The following CDC14B variants were observed in gnomAD, a reference collection of about 807,000 sequenced individuals.
The protein encoded by CDC14B is dual specificity protein phosphatase CDC14B.
A neutral mutation model predicts 64.2 loss-of-function variants in CDC14B; 22 were observed. That is an observed-to-expected ratio of 0.34 (90% CI 0.24 to 0.49). The LOEUF (loss-of-function observed/expected upper bound fraction) is 0.49. Among genes scored for constraint, CDC14B ranks in the 20% least tolerant of loss-of-function variants. The pLI, the probability that CDC14B is intolerant of heterozygous loss-of-function variation, is 0.99. For synonymous variants in CDC14B, 191 were observed against 215.8 expected (o/e 0.89, Z 1.01); for missense variants, 498 against 629.9 (o/e 0.79, Z 2.24).
intron 5 of CDC14B, among the ~76,000 whole-genome samples, chr9:96,545,975 T>G (rs1840761865): frequency 6.6e-6 from 1 of 152,224 alleles, no homozygotes; most frequent in South Asian, 2.1e-4. Context: ...TTTATAAGCC[T>G]TGGGCAGTGG....
chr9:96,579,146 A>T (rs549567657), intron 1 of CDC14B, among the ~76,000 whole-genome samples: 18 of 152,124 alleles, frequency 1.2e-4, no homozygotes, highest in Non-Finnish European at 2.6e-4. Context: ...GTGCCACAGT[A>T]ATGTAAGATG....
At chr9:96,568,522 T>A (rs1006049312) in intron 1 of CDC14B, among the ~76,000 whole-genome samples, 5 of 152,046 alleles carry the variant, frequency 3.3e-5, no homozygotes, top group African/African-American at 1.2e-4. Context: ...TGTCGGGAGG[T>A]TGAGAGCACT....
intron 1 of CDC14B, among the ~76,000 whole-genome samples, chr9:96,612,197 G>A (rs1051208357): frequency 1.3e-5 from 2 of 152,206 alleles, no homozygotes; most frequent in East Asian, 3.8e-4. Flanking sequence ...GCCTCATCTG[G>A]AGCATTTCTG....
intron 4 of CDC14B, among the ~76,000 whole-genome samples, chr9:96,560,607 G>A (rs563172003): frequency 1.9e-4 from 24 of 125,152 alleles, no homozygotes; most frequent in African/African-American, 4.4e-4. Flanking sequence ...TTTTTGAGAC[G>A]GGGTCTCATT....
In CDC14B at chr9:96,599,127, C is replaced by A. The variant is rs1846266065; in HGVS notation, c.160+20092G>T. On this transcript the variant is annotated intron_variant, in intron 1 of 13. Coordinates refer to ENST00000375241, the MANE Select transcript of CDC14B (RefSeq NM_033331.4). ...GGGTGTGGTGGCTCACACCTGTAAT[C>A]CCAGCACTTTGGGAGGCCAAGGTGG... Among the ~76,000 whole-genome samples, 3 of 152,296 alleles carry A rather than the reference C, an allele frequency of 2.0e-5. No homozygotes were observed. The South Asian group carries it at 6.2e-4, about 32-fold the overall frequency.
chr9:96,509,753 T>C lies in CDC14B; in HGVS notation c.1380A>G (p.Thr460=). ...CACTGCCAGAAATGTTAGGTTCAGA[T>C]GTTTTACAGCTCTGAACACTGGATT... ...ILQSSVQSCK[T]SEPNISGSAG... The change falls in exon 13 of 14, where the codon ACA becomes ACG. Residue 460 remains threonine, a synonymous_variant. Coordinates refer to ENST00000375241, the MANE Select transcript of CDC14B (RefSeq NM_033331.4). The C allele has an allele frequency of 6.2e-7, 1 of 1,611,468 alleles. No homozygotes were observed. Among genetic ancestry groups the C allele is most frequent in the Non-Finnish European group, 8.5e-7 (1 of 1,177,750 alleles).
intron 9 of CDC14B, 79 bp from the exon 10 acceptor site, chr9:96,523,804 A>T: frequency 6.9e-7 from 1 of 1,440,766 alleles, no homozygotes; most frequent in Non-Finnish European, 9.5e-7. Flanking sequence ...GAATTTTTTT[A>T]AAAGGCTTCT....
intron 13 of CDC14B, 151 bp downstream of exon 13, chr9:96,509,522 T>C (rs1834618117): frequency 1.5e-6 from 1 of 668,822 alleles, no homozygotes; most frequent in Non-Finnish European, 2.7e-6. Flanking sequence ...TTTTCTTAGA[T>C]AATGAACAAG....
At chr9:96,496,393 T>C (rs1230973782), downstream of CDC14B, 1 of 479,932 alleles carries the variant, frequency 2.1e-6, no homozygotes, top group Non-Finnish European at 4.2e-6. Context: ...GCGCTGTACT[T>C]ACCACCACCA....
chr9:96,498,811 A>C (rs1180931421), downstream of CDC14B, among the ~76,000 whole-genome samples: 3 of 152,230 alleles, frequency 2.0e-5, no homozygotes, highest in African/African-American at 7.2e-5. Flanking sequence ...CATTTCACTT[A>C]AGCAATGGAA....
intron 1 of CDC14B, among the ~76,000 whole-genome samples, chr9:96,576,617 A>G (rs2118186800): frequency 7.1e-6 from 1 of 140,860 alleles, no homozygotes; most frequent in African/African-American, 2.7e-5. Flanking sequence ...AGGGCGACAG[A>G]GCGAGACTCC....
downstream of CDC14B, among the ~76,000 whole-genome samples, chr9:96,497,771 T>C (rs1382556164): frequency 1.3e-5 from 2 of 152,134 alleles, no homozygotes; most frequent in Non-Finnish European, 2.9e-5. Context: ...CATTTCATCC[T>C]CACACAACCC....
chr9:96,547,175 A>G (rs57069671), intron 5 of CDC14B, among the ~76,000 whole-genome samples: 7,909 of 151,952 alleles, frequency 0.052, 698 homozygotes, highest in African/African-American at 0.18. Flanking sequence ...TTTAAGAGAC[A>G]GGGTCTTGGC....
chr9:96,503,817 C>A (rs749153027), intron 13 of CDC14B, 28 bp from the exon 14 acceptor site: 1 of 1,603,022 alleles, frequency 6.2e-7, no homozygotes. Context: ...AGGATTTTTA[C>A]CAGAAAGTTT....
At chr9:96,528,392 C>CGTGCCT (rs1434736124) in intron 9 of CDC14B, among the ~76,000 whole-genome samples, 1 of 152,010 alleles carries the variant, frequency 6.6e-6, no homozygotes, top group African/African-American at 2.4e-5. Context: ...TGTCATGGTG[C>CGTGCCT]GTGCCTGTCA....
chr9:96,538,961 T>C, intron 7 of CDC14B, 117 bp downstream of exon 7: 1 of 699,322 alleles, frequency 1.4e-6, no homozygotes, highest in Non-Finnish European at 2.6e-6. Flanking sequence ...TGTATACATA[T>C]ATCAAAACAT....
chr9:96,597,065 C>A (rs1216328554), intron 1 of CDC14B, among the ~76,000 whole-genome samples: 1 of 152,012 alleles, frequency 6.6e-6, no homozygotes, highest in Non-Finnish European at 1.5e-5. Flanking sequence ...ATAAAGAAAA[C>A]CACACCAATG....
At chr9:96,523,157 C>A in intron 11 of CDC14B, 104 bp downstream of exon 11, 1 of 1,235,976 alleles carries the variant, frequency 8.1e-7, no homozygotes, top group Non-Finnish European at 1.1e-6. Flanking sequence ...GACAATCATC[C>A]AAGAGCTGCT....
chr9:96,579,444 T>G (rs190471822), intron 1 of CDC14B, among the ~76,000 whole-genome samples: 282 of 151,910 alleles, frequency 1.9e-3, no homozygotes, highest in Middle Eastern at 6.8e-3. Flanking sequence ...AAAATTAGCC[T>G]GCATGATGGC....
Sources: gnomAD v4.1 joint callset for allele counts (sites outside exome capture counted in the v4.1 genomes callset) on GRCh38, gnomAD v4.1.1 for gene constraint, MANE v1.5 for transcripts, NCBI Gene and HGNC (gene_info 2026-07-23, HGNC 2026-07-21) for gene names.